The following CCDC191 variants were observed in gnomAD, a reference collection of about 807,000 sequenced individuals.
The protein encoded by CCDC191 is coiled-coil domain containing 191, also known as coiled-coil domain-containing protein 191.
A neutral mutation model predicts 114.0 loss-of-function variants in CCDC191; 99 were observed. The ratio of observed to expected loss-of-function variants is 0.87; its 90% CI spans 0.74 to 1.03. The LOEUF (loss-of-function observed/expected upper bound fraction) is 1.03, where lower values mean the gene tolerates loss of function less well. Ranked by LOEUF, CCDC191 falls within the 50% of genes least tolerant of loss-of-function variation. The pLI, the probability that CCDC191 is intolerant of heterozygous loss-of-function variation, is 0.00. For missense variants in CCDC191, 973 were observed against 1,087.0 expected (o/e 0.90, Z 1.47); for synonymous variants, 351 against 376.0 (o/e 0.93, Z 0.77).
intron 16 of CCDC191, among the ~76,000 whole-genome samples, chr3:113,970,892 T>A (rs1318839676): frequency 6.6e-6 from 1 of 152,206 alleles, no homozygotes; most frequent in Non-Finnish European, 1.5e-5. Flanking sequence ...ACAAAGGACA[T>A]GAACTCATCA....
At chr3:114,009,249 T>A (rs1416424147) in intron 9 of CCDC191, among the ~76,000 whole-genome samples, 3 of 152,030 alleles carry the variant, frequency 2.0e-5, no homozygotes, top group Non-Finnish European at 4.4e-5. Flanking sequence ...TTTATTAGAA[T>A]TTTTTTTCTT....
chr3:113,978,047 C>T lies in CCDC191; in HGVS notation c.2606+139G>A, dbSNP rs182895360. The T allele has an allele frequency of 2.6e-3, 2,190 of 846,850 alleles. 20 individuals are homozygous for T. The highest frequency in any genetic ancestry group is 0.025 in the Admixed American group (1,049 of 42,516). The allele number at this position is 846,850 out of a possible 1,614,324, so 52.5% of individuals were successfully genotyped here. On this transcript the variant is annotated intron_variant, in intron 16 of 16. Coordinates refer to ENST00000295878, the MANE Select transcript of CCDC191 (RefSeq NM_020817.2). ...GGGGTTTATTACATTGCTGGTGAGC[C>T]GGGACTCCCACCCCTGACTGGTGTT...
At chr3:113,989,074 G>A (rs1335467585) in intron 13 of CCDC191, among the ~76,000 whole-genome samples, 1 of 152,160 alleles carries the variant, frequency 6.6e-6, no homozygotes, top group Non-Finnish European at 1.5e-5. Flanking sequence ...GGGATTACAG[G>A]CGTGAGCCAC....
intron 13 of CCDC191, among the ~76,000 whole-genome samples, chr3:113,990,233 C>T (rs1222252959): frequency 1.3e-5 from 2 of 151,718 alleles, no homozygotes; most frequent in Non-Finnish European, 2.9e-5. Context: ...ATATATATTG[C>T]CAATATCAAA....
chr3:114,053,480 A>ATAAAAT (rs2076724589), intron 2 of CCDC191, 117 bp downstream of exon 2: 1 of 510,566 alleles, frequency 2.0e-6, no homozygotes, highest in Admixed American at 4.0e-5. Flanking sequence ...TTACATAGTC[A>ATAAAAT]CACGGGAATA....
At chr3:114,008,603 TA>T (rs2076014640) in intron 9 of CCDC191, among the ~76,000 whole-genome samples, 1 of 151,944 alleles carries the variant, frequency 6.6e-6, no homozygotes, top group Non-Finnish European at 1.5e-5. Flanking sequence ...ATTGACTTTA[TA>T]AAAACTAAAC....
chr3:114,016,034 A>G (rs1406462146), intron 8 of CCDC191, among the ~76,000 whole-genome samples: 2 of 152,250 alleles, frequency 1.3e-5, no homozygotes, highest in Non-Finnish European at 2.9e-5. Flanking sequence ...AAAGCCCACA[A>G]GTCTGGGCCC....
At chr3:114,048,630 G>T (rs1182090286) in intron 2 of CCDC191, among the ~76,000 whole-genome samples, 1 of 152,070 alleles carries the variant, frequency 6.6e-6, no homozygotes, top group Non-Finnish European at 1.5e-5. Flanking sequence ...TGAAGCCTTT[G>T]CTCAAATGTC....
At chr3:113,991,268 C>A (rs529004540) in intron 13 of CCDC191, among the ~76,000 whole-genome samples, 15 of 141,436 alleles carry the variant, frequency 1.1e-4, no homozygotes, top group Non-Finnish European at 2.2e-4. Flanking sequence ...ACCCCCCCCC[C>A]CAAAAACCAA....
intron 13 of CCDC191, among the ~76,000 whole-genome samples, chr3:113,985,169 C>T (rs977903445): frequency 2.6e-5 from 4 of 152,138 alleles, no homozygotes; most frequent in Non-Finnish European, 5.9e-5. Flanking sequence ...CGCTACCAGG[C>T]TCTCACAGAG....
chr3:114,047,013 A>G (rs1048101786), intron 2 of CCDC191: 1 of 957,600 alleles, frequency 1.0e-6, no homozygotes, highest in African/African-American at 1.8e-5. Context: ...ACTTTTGTTT[A>G]GGGCATTAGT....
At chr3:114,029,987 G>C (rs1241432198) in intron 7 of CCDC191, among the ~76,000 whole-genome samples, 1 of 152,038 alleles carries the variant, frequency 6.6e-6, no homozygotes, top group African/African-American at 2.4e-5. Flanking sequence ...GAACACTAGT[G>C]GAAAAACTGG....
At chr3:114,008,063 A>C (rs998968535) in intron 9 of CCDC191, among the ~76,000 whole-genome samples, 6 of 146,852 alleles carry the variant, frequency 4.1e-5, no homozygotes, top group African/African-American at 1.5e-4. Context: ...TATATATATA[A>C]ATTACTATAT....
chr3:114,053,513 G>A lies in CCDC191; in HGVS notation c.129+84C>T, dbSNP rs565348587. On this transcript the variant is annotated intron_variant, in intron 2 of 16. Coordinates refer to ENST00000295878, the MANE Select transcript of CCDC191 (RefSeq NM_020817.2). ...ATAAAAATAGCAGAGTATGTGCAAA[G>A]TGGAGATCTATTCATATTTCTTTTC... is the stretch of plus-strand genomic sequence containing the variant. The A allele has an allele frequency of 5.5e-6, 4 of 726,678 alleles. No homozygotes were observed. In the East Asian group the frequency reaches 8.7e-5, roughly 16 times the overall value. The allele number at this position is 726,678 out of a possible 1,614,324, so 45.0% of individuals were successfully genotyped here. A position where few individuals can be genotyped will look rare whatever the true frequency, so the allele number is the denominator to read the frequency against.
chr3:113,983,011 TCTC>T (rs1318743611), intron 13 of CCDC191, among the ~76,000 whole-genome samples: 2 of 152,164 alleles, frequency 1.3e-5, no homozygotes, highest in South Asian at 2.1e-4. Flanking sequence ...TCACCTATTC[TCTC>T]CTCAGCCCAC....
Position 114,031,740 on chromosome 3 carries a change from T to C in CCDC191, c.858A>G (p.Ser286=), listed in dbSNP as rs2076407823. The C allele has an allele frequency of 6.6e-7, 1 of 1,504,760 alleles. No homozygotes were observed. The highest frequency in any genetic ancestry group is 9.2e-7 in the Non-Finnish European group (1 of 1,082,268). 93.2% of individuals were successfully genotyped at this position (1,504,760 alleles called of 1,614,324 possible). The change falls in exon 7 of 17, where the codon TCA becomes TCG. Residue 286 remains serine (S), a synonymous_variant. Transcript: ENST00000295878. ...GAGTACTTTGAAACATGACTTTTTC[T>C]GAACTATTTTGAGAATTCTCTTCTT... The part of the protein sequence containing the change: ...KRQEENSQNS[S]EKVMFQSTHI...
chr3:113,977,574 A>T (rs2074972581), intron 16 of CCDC191, among the ~76,000 whole-genome samples: 1 of 152,252 alleles, frequency 6.6e-6, no homozygotes, highest in South Asian at 2.1e-4. Context: ...TTCCATGTAT[A>T]TAAAGTTCCA....
At chr3:114,023,102 A>G (rs2076267653) in intron 7 of CCDC191, among the ~76,000 whole-genome samples, 1 of 152,220 alleles carries the variant, frequency 6.6e-6, no homozygotes, top group South Asian at 2.1e-4. Flanking sequence ...ACTCCCATTC[A>G]CATTTGCTTC....
At chr3:113,974,239 A>T (rs1356927672) in intron 16 of CCDC191, among the ~76,000 whole-genome samples, 2 of 151,864 alleles carry the variant, frequency 1.3e-5, no homozygotes, top group East Asian at 3.9e-4. Context: ...GTTAGAGTTT[A>T]CATATTGCCT....
Sources: allele counts gnomAD v4.1 joint callset (sites outside exome capture counted in the v4.1 genomes callset), GRCh38; gene constraint gnomAD v4.1.1; transcripts MANE v1.5; gene names NCBI Gene and HGNC (gene_info 2026-07-23, HGNC 2026-07-21).